Variants in INPP4B observed in about 807,000 individuals in gnomAD.
INPP4B encodes inositol polyphosphate 4-phosphatase type II.
INPP4B carries 55 observed loss-of-function variants against 122.5 expected under a neutral mutation model. That is an observed-to-expected ratio of 0.45 (90% CI 0.36 to 0.56). INPP4B has a LOEUF of 0.56. Among genes scored for constraint, INPP4B ranks in the 20% least tolerant of loss-of-function variants. The pLI is 0.00. For missense variants in INPP4B, 1,000 were observed against 1,097.7 expected, an observed-to-expected ratio of 0.91 and a Z score of 1.26; for synonymous variants, 403 against 388.7, an observed-to-expected ratio of 1.04 and a Z score of -0.43.
intron 1 of INPP4B, among the ~76,000 whole-genome samples, chr4:142,732,046 G>C (rs2150883620): frequency 6.6e-6 from 1 of 152,078 alleles, no homozygotes. Context: ...AGAAAAAGCA[G>C]AAAAGGAAAA....
chr4:142,814,296 C>T (rs971851942), intron 1 of INPP4B, among the ~76,000 whole-genome samples: 18 of 152,144 alleles, frequency 1.2e-4, no homozygotes, highest in African/African-American at 4.1e-4. Flanking sequence ...CTTCATCACC[C>T]ACATCCCCAG....
rs528167540 is a variant in INPP4B at position 142,515,059 on chromosome 4, G to A, written c.-190-52333C>T. Among the ~76,000 whole-genome samples, 12 of 151,990 alleles carry A rather than the reference G, an allele frequency of 7.9e-5. No individual in the cohort carries two copies. The East Asian group carries it at 1.4e-3, about 17-fold the overall frequency. On this transcript the variant is annotated intron_variant, in intron 2 of 25. Transcript: ENST00000262992. ...AATCTGCATGCCTCAGCCTCCCAAAGTGCTGGGATTACAGGCATGAGCCAC... is the reference window on the plus strand; with the variant it reads ...AATCTGCATGCCTCAGCCTCCCAAAATGCTGGGATTACAGGCATGAGCCAC...
At chr4:142,141,490 A>T (rs1411335136) in intron 18 of INPP4B, among the ~76,000 whole-genome samples, 1 of 152,142 alleles carries the variant, frequency 6.6e-6, no homozygotes, top group African/African-American at 2.4e-5. Flanking sequence ...GACAATCTTC[A>T]TTCATTAGGA....
chr4:142,526,323 A>G lies in INPP4B; in HGVS notation c.-190-63597T>C, dbSNP rs72726415. ...GTAGAGCAGTAGCCAGCCACACAAAATACTTGCTATAGTCACCCTGTTGTG... is the reference window on the plus strand; with the variant it reads ...GTAGAGCAGTAGCCAGCCACACAAAGTACTTGCTATAGTCACCCTGTTGTG... On this transcript the variant is annotated intron_variant, in intron 2 of 25. Transcript: ENST00000262992. Among the ~76,000 whole-genome samples the G allele has an allele frequency of 1.7e-3, 266 of 152,154 alleles. 4 individuals are homozygous for G. The highest frequency in any genetic ancestry group is 3.5e-3 in the Non-Finnish European group (235 of 67,966).
At chr4:142,791,676 C>A (rs1158845926) in intron 1 of INPP4B, among the ~76,000 whole-genome samples, 2 of 152,020 alleles carry the variant, frequency 1.3e-5, no homozygotes, top group African/African-American at 2.4e-5. Context: ...TTTCCTAATA[C>A]CTCGGCCCCC....
chr4:142,096,336 G>T (rs375562482), intron 23 of INPP4B: 1 of 152,276 alleles, frequency 6.6e-6, no homozygotes, highest in East Asian at 1.9e-4. Context: ...CTAGCTAAAA[G>T]ATTTGACGAC....
intron 18 of INPP4B, among the ~76,000 whole-genome samples, chr4:142,139,674 A>G (rs1259063396): frequency 1.3e-5 from 2 of 152,158 alleles, no homozygotes; most frequent in African/African-American, 4.8e-5. Context: ...AAAAGATGGG[A>G]AAGAGGAGCA....
chr4:142,713,445 T>G (rs1483770190), intron 2 of INPP4B, among the ~76,000 whole-genome samples: 1 of 152,160 alleles, frequency 6.6e-6, no homozygotes, highest in African/African-American at 2.4e-5. Flanking sequence ...AGGAGTTCTA[T>G]TGGAATGAGA....
At chr4:142,225,403 C>G (rs1171061688) in intron 12 of INPP4B, among the ~76,000 whole-genome samples, 1 of 151,860 alleles carries the variant, frequency 6.6e-6, no homozygotes, top group East Asian at 1.9e-4. Flanking sequence ...TGCAGACAGC[C>G]TATTGTGGGA....
rs533810690 is a variant in INPP4B at position 142,409,635 on chromosome 4, C to T, written c.137-4311G>A. On this transcript the variant is annotated intron_variant, in intron 5 of 25. Transcript: ENST00000262992. ...CACTGAACAAACTGGAAAGCTTACA[C>T]TATGTCATAAGATGGAACCTCTATA... 1.8e-4 allele frequency among the ~76,000 whole-genome samples: 27 copies of T among 152,236 alleles called. No homozygotes were observed. In the South Asian group the frequency reaches 2.9e-3, roughly 16 times the overall value.
intron 2 of INPP4B, chr4:142,560,584 G>C (rs561011768): frequency 6.6e-6 from 1 of 152,254 alleles, no homozygotes; most frequent in African/African-American, 2.4e-5. Context: ...TCGAAGGCTG[G>C]GGGGCCCTGG....
intron 14 of INPP4B, among the ~76,000 whole-genome samples, chr4:142,200,162 C>T (rs576616147): frequency 4.6e-5 from 7 of 151,892 alleles, no homozygotes; most frequent in African/African-American, 9.7e-5. Context: ...TTTTTCATTT[C>T]GTTAATGACT....
intron 2 of INPP4B, among the ~76,000 whole-genome samples, chr4:142,505,964 A>G (rs1178107603): frequency 1.3e-5 from 2 of 152,098 alleles, no homozygotes; most frequent in Non-Finnish European, 2.9e-5. Context: ...TTTTTCACCC[A>G]CCACATGCCA....
intron 7 of INPP4B, among the ~76,000 whole-genome samples, chr4:142,334,095 C>T (rs1775678635): frequency 1.3e-5 from 2 of 152,050 alleles, no homozygotes; most frequent in South Asian, 4.1e-4. Context: ...TTTTAGATTC[C>T]GCATGTGAGA....
chr4:142,511,631 A>T (rs1157789710), intron 2 of INPP4B, among the ~76,000 whole-genome samples: 1 of 152,164 alleles, frequency 6.6e-6, no homozygotes, highest in Admixed American at 6.6e-5. Context: ...GAAACACTCC[A>T]ATCCCCAGAC....
At chr4:142,660,166 C>T (rs964476953) in intron 2 of INPP4B, among the ~76,000 whole-genome samples, 2 of 152,088 alleles carry the variant, frequency 1.3e-5, no homozygotes, top group African/African-American at 4.8e-5. Context: ...CAGATAATTC[C>T]TTTTCTCTAG....
chr4:142,150,961 C>A (rs950650870), intron 17 of INPP4B, among the ~76,000 whole-genome samples: 1 of 152,116 alleles, frequency 6.6e-6, no homozygotes, highest in Non-Finnish European at 1.5e-5. Context: ...TACAAAATAG[C>A]CTGATGTATC....
intron 25 of INPP4B, among the ~76,000 whole-genome samples, chr4:142,073,191 C>T (rs12501475): frequency 0.093 from 14,112 of 152,156 alleles, 803 homozygotes; most frequent in East Asian, 0.24. Flanking sequence ...ATAATGATGT[C>T]ATTCACACTC....
intron 2 of INPP4B, among the ~76,000 whole-genome samples, chr4:142,576,640 G>A (rs186458699): frequency 7.4e-4 from 113 of 151,920 alleles, no homozygotes; most frequent in African/African-American, 2.6e-3. Flanking sequence ...CATTTATAAG[G>A]CCCTTTCAGT....
Sources: gnomAD v4.1 joint callset for allele counts (sites outside exome capture counted in the v4.1 genomes callset) on GRCh38, gnomAD v4.1.1 for gene constraint, MANE v1.5 for transcripts, NCBI Gene and HGNC (gene_info 2026-07-23, HGNC 2026-07-21) for gene names.